TSPEAR: variants seen among roughly 807,000 people sequenced by gnomAD.
TSPEAR encodes thrombospondin type laminin G domain and EAR repeats.
TSPEAR carries 69 observed loss-of-function variants against 71.6 expected under a neutral mutation model. That is an observed-to-expected ratio of 0.96 (90% CI 0.79 to 1.18). The LOEUF is 1.18. Among genes scored for constraint, TSPEAR ranks in the 50% most tolerant of loss-of-function variants. The pLI, the probability that TSPEAR is intolerant of heterozygous loss-of-function variation, is 0.00. For synonymous variants in TSPEAR, 402 were observed against 387.2 expected, an observed-to-expected ratio of 1.04 and a Z score of -0.45; for missense variants, 971 against 894.9, an observed-to-expected ratio of 1.09 and a Z score of -1.09.
chr21:44,697,744 A>T (rs782422413), intron 1 of TSPEAR: 2 of 1,613,454 alleles, frequency 1.2e-6, no homozygotes, highest in Non-Finnish European at 1.7e-6. Context: ...GCTGCCAGCC[A>T]GCTTGCTGCA....
At chr21:44,660,902 G>A (rs1555943481) in intron 1 of TSPEAR, among the ~76,000 whole-genome samples, 2 of 152,270 alleles carry the variant, frequency 1.3e-5, no homozygotes, top group Admixed American at 6.5e-5. Context: ...GGGAGGCAGA[G>A]GTTGCAGTGA....
chr21:44,621,265 C>T (rs1314551434), intron 1 of TSPEAR, among the ~76,000 whole-genome samples: 3 of 152,142 alleles, frequency 2.0e-5, no homozygotes, highest in African/African-American at 7.2e-5. Context: ...GAGAGAATGG[C>T]TTATTGAAGT....
intron 1 of TSPEAR, among the ~76,000 whole-genome samples, chr21:44,655,035 C>T (rs1446988526): frequency 1.3e-5 from 2 of 152,124 alleles, no homozygotes; most frequent in Non-Finnish European, 2.9e-5. Flanking sequence ...CAGGGTCTTC[C>T]CAAGTAACGA....
chr21:44,528,302 C>T (rs778037220), intron 6 of TSPEAR, 150 bp downstream of exon 6: 12 of 1,100,322 alleles, frequency 1.1e-5, no homozygotes, highest in Non-Finnish European at 1.5e-5. Flanking sequence ...ACTGATGCTG[C>T]CTCTCACTCT....
At chr21:44,671,629 A>T (rs1016129872) in intron 1 of TSPEAR, among the ~76,000 whole-genome samples, 1 of 152,170 alleles carries the variant, frequency 6.6e-6, no homozygotes, top group Non-Finnish European at 1.5e-5. Context: ...AGACTAAACT[A>T]CTGCATGCAC....
chr21:44,592,300 C>G (rs201732843), intron 1 of TSPEAR: 1 of 1,538,752 alleles, frequency 6.5e-7, no homozygotes, highest in South Asian at 1.1e-5. Context: ...GCTGGACACA[C>G]GGCTCACTGG....
intron 6 of TSPEAR, among the ~76,000 whole-genome samples, chr21:44,527,847 C>A (rs1555915169): frequency 6.6e-6 from 1 of 152,226 alleles, no homozygotes; most frequent in Non-Finnish European, 1.5e-5. Flanking sequence ...CTGGGCGGAA[C>A]CCATGCCCAT....
At chr21:44,694,449 G>A (rs1200466443) in intron 1 of TSPEAR, among the ~76,000 whole-genome samples, 1 of 152,212 alleles carries the variant, frequency 6.6e-6, no homozygotes, top group Non-Finnish European at 1.5e-5. Flanking sequence ...TGGGGACAGA[G>A]TTTCAGTTCG....
chr21:44,509,062 G>T, intron 10 of TSPEAR, 137 bp downstream of exon 10: 1 of 1,384,984 alleles, frequency 7.2e-7, no homozygotes, highest in South Asian at 1.3e-5. Context: ...AAGGTCCCCA[G>T]GCCATTCTTT....
intron 1 of TSPEAR, chr21:44,575,378 G>T (rs2146090371): frequency 3.7e-6 from 1 of 273,946 alleles, no homozygotes; most frequent in East Asian, 8.9e-5. Flanking sequence ...CTGACACCCA[G>T]GTGTGTTGAT....
At chr21:44,619,664 G>A (rs1448122186) in intron 1 of TSPEAR, among the ~76,000 whole-genome samples, 2 of 152,186 alleles carry the variant, frequency 1.3e-5, no homozygotes, top group East Asian at 3.8e-4. Context: ...GAGATAGGAG[G>A]AAATTTAAAA....
chr21:44,627,442 A>G (rs781857324), intron 1 of TSPEAR: 9 of 1,612,434 alleles, frequency 5.6e-6, no homozygotes, highest in East Asian at 2.2e-5. Context: ...GGCTTACTGC[A>G]CCTCCTCCCC....
At chr21:44,531,695 C>T (rs587747434) in intron 3 of TSPEAR, among the ~76,000 whole-genome samples, 3 of 152,330 alleles carry the variant, frequency 2.0e-5, no homozygotes, top group East Asian at 1.9e-4. Context: ...CAGGGTCCTC[C>T]AGCCCACTCA....
At chr21:44,594,437 G>T (rs1980221223) in intron 1 of TSPEAR, among the ~76,000 whole-genome samples, 2 of 152,210 alleles carry the variant, frequency 1.3e-5, no homozygotes, top group Non-Finnish European at 2.9e-5. Context: ...TTGAAAGTGT[G>T]CTGGGTGTGC....
At chr21:44,672,729 T>C (rs1986120434) in intron 1 of TSPEAR, among the ~76,000 whole-genome samples, 1 of 152,162 alleles carries the variant, frequency 6.6e-6, no homozygotes, top group Non-Finnish European at 1.5e-5. Flanking sequence ...TTATCCTCAA[T>C]GCTGGAGAAG....
At chr21:44,702,092 G>C (rs2146330262) in intron 1 of TSPEAR, 1 of 819,320 alleles carries the variant, frequency 1.2e-6, no homozygotes, top group Non-Finnish European at 1.9e-6. Flanking sequence ...CTATGAGAGG[G>C]AGGCAGGGAA....
At chr21:44,550,546 G>A in intron 2 of TSPEAR, 20 of 1,243,442 alleles carry the variant, frequency 1.6e-5, no homozygotes, top group Non-Finnish European at 2.2e-5. Flanking sequence ...AGGAGCCAGT[G>A]AGCATCTGAG....
At chr21:44,552,106 A>T (rs1461448693) in intron 2 of TSPEAR, among the ~76,000 whole-genome samples, 2 of 152,156 alleles carry the variant, frequency 1.3e-5, no homozygotes, top group Non-Finnish European at 2.9e-5. Context: ...AGGTTTGGGG[A>T]CTGGCCTTTG....
intron 1 of TSPEAR, among the ~76,000 whole-genome samples, chr21:44,615,112 G>A (rs587618028): frequency 6.6e-6 from 1 of 152,324 alleles, no homozygotes; most frequent in East Asian, 1.9e-4. Flanking sequence ...CATGTGAGAG[G>A]CCCTCCTGGA....
Sources: gnomAD v4.1 joint callset for allele counts (sites outside exome capture counted in the v4.1 genomes callset) on GRCh38, gnomAD v4.1.1 for gene constraint, MANE v1.5 for transcripts, NCBI Gene and HGNC (gene_info 2026-07-23, HGNC 2026-07-21) for gene names.